GULP1: variants seen among roughly 807,000 people sequenced by gnomAD.
GULP1 encodes GULP PTB domain containing engulfment adaptor 1.
In GULP1, 19 loss-of-function variants were observed where a neutral mutation model predicts 40.9. The ratio of observed to expected loss-of-function variants is 0.46; its 90% confidence interval spans 0.32 to 0.68. The LOEUF (loss-of-function observed/expected upper bound fraction) is 0.68, where lower values mean the gene tolerates loss of function less well. Ranked by LOEUF, GULP1 falls within the 30% of genes least tolerant of loss-of-function variation. GULP1 has a pLI of 0.03. For synonymous variants in GULP1, 119 were observed against 117.6 expected, an observed-to-expected ratio of 1.01 and a Z score of -0.08; for missense variants, 312 against 362.2, an observed-to-expected ratio of 0.86 and a Z score of 1.12.
At chr2:188,376,840 A>G (rs911524503) in intron 1 of GULP1, among the ~76,000 whole-genome samples, 1 of 152,150 alleles carries the variant, frequency 6.6e-6, no homozygotes, top group African/African-American at 2.4e-5. Flanking sequence ...AAGATCAAAT[A>G]CTTTTTGACA....
intron 2 of GULP1, among the ~76,000 whole-genome samples, chr2:188,434,308 A>G (rs1190469710): frequency 1.3e-5 from 2 of 150,886 alleles, no homozygotes; most frequent in Non-Finnish European, 3.0e-5. Context: ...CTTTCCCTAC[A>G]TTCCCAAAGT....
intron 1 of GULP1, among the ~76,000 whole-genome samples, chr2:188,306,931 T>A (rs1423136380): frequency 6.6e-6 from 1 of 152,200 alleles, no homozygotes; most frequent in African/African-American, 2.4e-5. Flanking sequence ...GTACTTTTTG[T>A]GTATTTGATG....
chr2:188,582,396 C>T, intron 9 of GULP1: 1 of 471,586 alleles, frequency 2.1e-6, no homozygotes, highest in Non-Finnish European at 4.4e-6. Context: ...TGCTCATCCT[C>T]TTTCTGGCGT....
At chr2:188,546,286 T>C (rs1000628877) in intron 7 of GULP1, among the ~76,000 whole-genome samples, 2 of 151,868 alleles carry the variant, frequency 1.3e-5, no homozygotes, top group African/African-American at 2.4e-5. Flanking sequence ...TTTTCAAGTG[T>C]TTGAGGAAGA....
At chr2:188,438,083 A>G (rs2057577918) in intron 2 of GULP1, among the ~76,000 whole-genome samples, 1 of 152,150 alleles carries the variant, frequency 6.6e-6, no homozygotes, top group Admixed American at 6.6e-5. Flanking sequence ...AAAAGTTTAA[A>G]AACATTAAAA....
intron 4 of GULP1, among the ~76,000 whole-genome samples, chr2:188,488,734 G>C (rs1480423881): frequency 6.6e-6 from 1 of 152,058 alleles, no homozygotes; most frequent in Non-Finnish European, 1.5e-5. Context: ...TTATATGCAA[G>C]AGAATGCTTT....
chr2:188,493,124 T>C (rs923854388), intron 4 of GULP1, among the ~76,000 whole-genome samples: 35 of 152,096 alleles, frequency 2.3e-4, no homozygotes, highest in Admixed American at 1.3e-4. Flanking sequence ...ACGAGACCTA[T>C]GTTTATAAAT....
chr2:188,530,312 C>CCCATAATA (rs1687214487), intron 6 of GULP1, among the ~76,000 whole-genome samples: 1 of 152,082 alleles, frequency 6.6e-6, no homozygotes, highest in Admixed American at 6.6e-5. Context: ...CACAATTCAG[C>CCCATAATA]CCATAATACA....
At chr2:188,432,530 C>A (rs1399677410) in intron 2 of GULP1, among the ~76,000 whole-genome samples, 2 of 151,814 alleles carry the variant, frequency 1.3e-5, no homozygotes, top group Admixed American at 1.3e-4. Context: ...CACTGAATAT[C>A]TTTTTTATCA....
At chr2:188,429,139 C>T (rs981627373) in intron 2 of GULP1, among the ~76,000 whole-genome samples, 2 of 152,008 alleles carry the variant, frequency 1.3e-5, no homozygotes, top group African/African-American at 4.8e-5. Context: ...GACTGTCATC[C>T]GCTCTCAGGT....
At chr2:188,335,675 G>A (rs985920303) in intron 1 of GULP1, among the ~76,000 whole-genome samples, 4 of 152,164 alleles carry the variant, frequency 2.6e-5, no homozygotes, top group Middle Eastern at 3.4e-3. Flanking sequence ...AGGATTTGAC[G>A]CAAAAAAATG....
chr2:188,428,564 T>A (rs2056489824), intron 2 of GULP1, among the ~76,000 whole-genome samples: 1 of 152,156 alleles, frequency 6.6e-6, no homozygotes, highest in Non-Finnish European at 1.5e-5. Flanking sequence ...GCTGGTTGTT[T>A]AAAAGTGTAT....
intron 2 of GULP1, among the ~76,000 whole-genome samples, chr2:188,426,116 A>G (rs947237483): frequency 6.6e-6 from 1 of 152,178 alleles, no homozygotes; most frequent in Non-Finnish European, 1.5e-5. Context: ...TAAGGTATAC[A>G]CTGGTTCAGT....
intron 7 of GULP1, among the ~76,000 whole-genome samples, chr2:188,542,936 G>T (rs1331091776): frequency 6.6e-6 from 1 of 151,848 alleles, no homozygotes; most frequent in Admixed American, 6.6e-5. Context: ...TTTCCTTAAG[G>T]TCCTTTGAAA....
chr2:188,505,254 C>T (rs1018809427), intron 4 of GULP1, among the ~76,000 whole-genome samples: 1 of 151,696 alleles, frequency 6.6e-6, no homozygotes. Context: ...TGTTTTCCTT[C>T]CACAACTATC....
chr2:188,461,816 G>A (rs2059732262), intron 2 of GULP1, among the ~76,000 whole-genome samples: 1 of 151,864 alleles, frequency 6.6e-6, no homozygotes, highest in Admixed American at 6.6e-5. Context: ...GCTTTTATTT[G>A]CAATGTCTCT....
chr2:188,375,576 CT>C (rs2048193043), intron 1 of GULP1, among the ~76,000 whole-genome samples: 1 of 152,166 alleles, frequency 6.6e-6, no homozygotes, highest in African/African-American at 2.4e-5. Flanking sequence ...TGAAGACTTG[CT>C]CTCTTTTCAT....
At chr2:188,389,818 CA>C (rs1372702165) in intron 2 of GULP1, among the ~76,000 whole-genome samples, 1 of 152,044 alleles carries the variant, frequency 6.6e-6, no homozygotes, top group Non-Finnish European at 1.5e-5. Flanking sequence ...TCTCTTATAC[CA>C]CTCTGTATGC....
chr2:188,388,420 G>C (rs370147475), intron 2 of GULP1, among the ~76,000 whole-genome samples: 1 of 150,642 alleles, frequency 6.6e-6, no homozygotes, highest in East Asian at 2.0e-4. Context: ...GTGTATACTT[G>C]TAGTCCCAGC....
Sources: allele counts gnomAD v4.1 joint callset (sites outside exome capture counted in the v4.1 genomes callset), GRCh38; gene constraint gnomAD v4.1.1; transcripts MANE v1.5; gene names NCBI Gene and HGNC (gene_info 2026-07-23, HGNC 2026-07-21).